NAB2: variants seen among roughly 807,000 people sequenced by gnomAD.
The protein encoded by NAB2 is NGFI-A binding protein 2.
A neutral mutation model predicts 44.2 loss-of-function variants in NAB2; 9 were observed. The observed-to-expected ratio is 0.20, with a 90% CI of 0.12 to 0.36. The LOEUF is 0.36. Among genes scored for constraint, NAB2 ranks in the 10% least tolerant of loss-of-function variants. NAB2 has a pLI of 1.00. For missense variants in NAB2, 514 were observed against 709.0 expected, an observed-to-expected ratio of 0.73 and a Z score of 3.12; for synonymous variants, 342 against 291.0, an observed-to-expected ratio of 1.18 and a Z score of -1.78.
In NAB2 at chr12:57,089,268, G is replaced by C; in HGVS notation, c.-4G>C. On this transcript the variant is annotated 5_prime_UTR_variant, in exon 1 of 7. Coordinates refer to ENST00000300131, the MANE Select transcript of NAB2 (RefSeq NM_005967.4). The stretch of plus-strand genomic sequence containing the variant: ...AGGGCAGCCCGGGTGATCTCCGGCC[G>C]TCCATGCACAGAGCGCCTTCCCCCA... The C allele has an allele frequency of 3.8e-6, 6 of 1,571,802 alleles. No homozygotes were observed. Among genetic ancestry groups the C allele is most frequent in the Non-Finnish European group, 5.2e-6 (6 of 1,158,896 alleles).
intron 5 of NAB2, 42 bp downstream of exon 5, chr12:57,093,237 G>A (rs766674951): frequency 6.5e-7 from 1 of 1,548,252 alleles, no homozygotes; most frequent in Non-Finnish European, 8.7e-7. Context: ...TTGAGGGTGG[G>A]GGAGTAGGGG....
In NAB2 at chr12:57,091,485, A is replaced by T; in HGVS notation, c.444A>T (p.Pro148=). The change falls in exon 2 of 7, where the codon CCA becomes CCT. Residue 148 remains proline (P), a synonymous_variant. Transcript: ENST00000300131. The surrounding 1 kb of genome is among the most constrained non-coding windows in gnomAD (Gnocchi z 7.3). ...GCATGAGCAATGGGCATGGCAGCCC[A>T]GGGGAAAAGGCAGGCAGTGCCCGCA... ...KGSMSNGHGS[P]GEKAGSARSF... The T allele has an allele frequency of 6.2e-7, 1 of 1,614,190 alleles. No individual in the cohort carries two copies. Among genetic ancestry groups the T allele is most frequent in the Admixed American group, 1.7e-5 (1 of 60,034 alleles).
Position 57,094,829 on chromosome 12 carries a change from C to A in NAB2, c.*108C>A. ...TCACAACCCTGGATCCTTCCTCTGC[C>A]CTTCTCCTGCCTCCCCACCTGCTCC... On this transcript the variant is annotated 3_prime_UTR_variant, in exon 7 of 7. Transcript: ENST00000300131. 1 of 851,854 alleles carries A rather than the reference C, an allele frequency of 1.2e-6. No homozygotes were observed. Among genetic ancestry groups the A allele is most frequent in the Admixed American group, 2.5e-5 (1 of 40,520 alleles). 52.8% of individuals were successfully genotyped at this position (851,854 alleles called of 1,614,324 possible).
rs749861968 is a variant in NAB2, at chr12:57,091,840, C to T, written c.799C>T (p.Leu267=). 9.3e-6 allele frequency: 15 copies of T among 1,614,058 alleles called. No homozygotes were observed. Among genetic ancestry groups the T allele is most frequent in the Non-Finnish European group, 4.2e-6 (5 of 1,180,010 alleles). The part of the protein sequence containing the change: ...PRGDAGEVTS[L]LKLNKKLARS... ...GGGGGATGCTGGGGAGGTCACATCCCTGCTAAAGCTGAATAAGAAGCTGGC... is the reference window on the plus strand; with the variant it reads ...GGGGGATGCTGGGGAGGTCACATCCTTGCTAAAGCTGAATAAGAAGCTGGC... The change falls in exon 2 of 7, where the codon CTG becomes TTG. Residue 267 remains leucine (L), a synonymous_variant. Transcript: ENST00000300131. This position sits in a 1 kb window ranked among gnomAD's most constrained non-coding sequence, Gnocchi z 7.3.
rs1592537006 is a variant in NAB2 at position 57,095,405 on chromosome 12, T to G, written c.*684T>G. The stretch of plus-strand genomic sequence containing the variant: ...ACCTATCTGAGCAGTTAGAGCGTCT[T>G]TCTTTTCAGATTGTGTACAGTAGAT... On this transcript the variant is annotated 3_prime_UTR_variant, in exon 7 of 7. Coordinates refer to ENST00000300131, the MANE Select transcript of NAB2 (RefSeq NM_005967.4). The G allele has an allele frequency of 6.5e-6, 1 of 152,762 alleles. No individual in the cohort carries two copies. Among genetic ancestry groups the G allele is most frequent in the East Asian group, 1.9e-4 (1 of 5,204 alleles). 9.5% of individuals were successfully genotyped at this position (152,762 alleles called of 1,614,324 possible). A position where few individuals can be genotyped will look rare whatever the true frequency, so the allele number is the denominator to read the frequency against.
chr12:57,089,742 C>T (rs1003991271), intron 1 of NAB2, among the ~76,000 whole-genome samples: 2 of 16,896 alleles, frequency 1.2e-4, no homozygotes, highest in Non-Finnish European at 2.4e-4. Context: ...CGCGGGCCCC[C>T]GGTGCCTTTG....
rs1292791615 is a variant in NAB2, at chr12:57,089,247, C to T, written c.-25C>T. ...GCCGAGCGCCGGGCACCGAGAAGGG[C>T]AGCCCGGGTGATCTCCGGCCGTCCA... On this transcript the variant is annotated 5_prime_UTR_variant, in exon 1 of 7. Transcript: ENST00000300131. The T allele has an allele frequency of 3.2e-6, 5 of 1,559,490 alleles. No homozygotes were observed. The highest frequency in any genetic ancestry group is 4.3e-6 in the Non-Finnish European group (5 of 1,152,080).
In NAB2 at chr12:57,089,348, G is replaced by C. The variant is rs1220334413; in HGVS notation, c.77G>C (p.Arg26Thr). ...GDSARRTLQP[R>T]LKPSARAMAL... ...AGCGCCCGCCGGACCCTGCAGCCCAGACTCAAGTTAGTGGGCAAAGGGAGG... is the reference window on the plus strand; with the variant it reads ...AGCGCCCGCCGGACCCTGCAGCCCACACTCAAGTTAGTGGGCAAAGGGAGG... Residue 26 changes from arginine (R) to threonine (T), a missense_variant, in exon 1 of 7, where the codon AGA becomes ACA. Physicochemically the swap from Arg to Thr is moderately conservative, Grantham distance 71 (BLOSUM62 -1). This residue lies in a region of NAB2 where 56 missense variants were observed against 45.5 expected (regional missense o/e 1.23). Transcript: ENST00000300131. 1.3e-6 allele frequency: 2 copies of C among 1,570,950 alleles called. No homozygotes were observed. The highest frequency in any genetic ancestry group is 8.6e-7 in the Non-Finnish European group (1 of 1,158,158).
rs369086122 is a variant in NAB2 at position 57,094,661 on chromosome 12, C to G, written c.1518C>G (p.Pro506=). ...GATGTCCTGCCCCAGGACCCCATCC[C>G]GCGCTGGTGGAGGGTCGCAGGAGCA... is the stretch of plus-strand genomic sequence containing the variant. The part of the protein sequence containing the change: ...LDRCPAPGPH[P]ALVEGRRSSV... The change falls in exon 7 of 7, where the codon CCC becomes CCG. Residue 506 remains proline, a synonymous_variant. Coordinates refer to ENST00000300131, the MANE Select transcript of NAB2 (RefSeq NM_005967.4). The G allele has an allele frequency of 1.3e-6, 2 of 1,555,992 alleles. No homozygotes were observed. Among genetic ancestry groups the G allele is most frequent in the East Asian group, 2.4e-5 (1 of 41,548 alleles).
At chr12:57,089,961 C>G (rs1247669758) in intron 1 of NAB2, among the ~76,000 whole-genome samples, 1 of 152,188 alleles carries the variant, frequency 6.6e-6, no homozygotes, top group African/African-American at 2.4e-5. Context: ...GCGGGAGCCC[C>G]TGGGCGGTTT....
intron 5 of NAB2, 94 bp from the exon 6 acceptor site, chr12:57,093,313 G>A: frequency 2.7e-6 from 4 of 1,464,336 alleles, no homozygotes; most frequent in Admixed American, 2.5e-5. Flanking sequence ...CCTGGCTGGA[G>A]GGGGGGCAGA....
At chr12:57,093,784 C>T (rs1220175210) in intron 6 of NAB2, among the ~76,000 whole-genome samples, 186 bp downstream of exon 6, 1 of 152,112 alleles carries the variant, frequency 6.6e-6, no homozygotes, top group Non-Finnish European at 1.5e-5. Flanking sequence ...GCTGCTCCCA[C>T]CATGGAAAGT....
rs2033174505 is a variant in NAB2, at chr12:57,091,061, G to A, written c.84-64G>A. On this transcript the variant is annotated intron_variant, in intron 1 of 6. Transcript: ENST00000300131. The surrounding 1 kb of genome is among the most constrained non-coding windows in gnomAD (Gnocchi z 7.3). ...CAGGAAAGAGGGAACAATTGTTAGT[G>A]TGGGTTGGTACCCAGTAGGGGGACT... is the stretch of plus-strand genomic sequence containing the variant. The A allele has an allele frequency of 7.5e-7, 1 of 1,336,306 alleles. No individual in the cohort carries two copies. The highest frequency in any genetic ancestry group is 1.5e-5 in the African/African-American group (1 of 68,276). 82.8% of individuals were successfully genotyped at this position (1,336,306 alleles called of 1,614,324 possible).
chr12:57,093,312 A>T, intron 5 of NAB2, 95 bp from the exon 6 acceptor site: 3 of 1,275,678 alleles, frequency 2.4e-6, no homozygotes, highest in Non-Finnish European at 3.1e-6. Flanking sequence ...ACCTGGCTGG[A>T]GGGGGGGCAG....
chr12:57,094,810 C>A lies in NAB2; in HGVS notation c.*89C>A. The A allele has an allele frequency of 9.1e-7, 1 of 1,100,660 alleles. No individual in the cohort carries two copies. Among genetic ancestry groups the A allele is most frequent in the Non-Finnish European group, 1.3e-6 (1 of 771,768 alleles). The allele number at this position is 1,100,660 out of a possible 1,614,324, so 68.2% of individuals were successfully genotyped here. The stretch of plus-strand genomic sequence containing the variant: ...CTCCATCCCCGGAATCTAGTCACAA[C>A]CCTGGATCCTTCCTCTGCCCTTCTC... On this transcript the variant is annotated 3_prime_UTR_variant, in exon 7 of 7. Transcript: ENST00000300131.
chr12:57,089,874 C>T (rs888586918), intron 1 of NAB2, among the ~76,000 whole-genome samples: 1 of 152,134 alleles, frequency 6.6e-6, no homozygotes, highest in African/African-American at 2.4e-5. Flanking sequence ...AGTGTGCAGC[C>T]CCTTCATCAA....
At chr12:57,090,273 C>T (rs1293678851) in intron 1 of NAB2, among the ~76,000 whole-genome samples, 10 of 152,106 alleles carry the variant, frequency 6.6e-5, no homozygotes, top group Admixed American at 6.5e-4. Context: ...ATCACGAGGT[C>T]AGGAATTCGA....
At position 57,093,719 on chromosome 12, in the gene NAB2, A is replaced by ATGGCTGG. The variant is rs2136546597; in HGVS notation, c.1468+122_1468+128dup. On this transcript the variant is annotated intron_variant, in intron 6 of 6. Transcript: ENST00000300131. ...TATAGTCGTCAGAGAGGGCAGTAGG[A>ATGGCTGG]TGGCTGGGCTCCAGCCAGCCAGGCC... The ATGGCTGG allele has an allele frequency of 3.6e-6, 4 of 1,100,292 alleles. No individual in the cohort carries two copies. The East Asian group carries it at 1.2e-4, about 32-fold the overall frequency. The allele number at this position is 1,100,292 out of a possible 1,614,324, so 68.2% of individuals were successfully genotyped here.
rs1014946445 is a variant in NAB2 at position 57,094,779 on chromosome 12, C to T, written c.*58C>T. Reference sequence around the variant, plus strand: ...CAGACTTCTGGCTCACACAGACCCCCACGCTCTCCATCCCCGGAATCTAGT... The same window carrying T: ...CAGACTTCTGGCTCACACAGACCCCTACGCTCTCCATCCCCGGAATCTAGT... On this transcript the variant is annotated 3_prime_UTR_variant, in exon 7 of 7. Transcript: ENST00000300131. 1.2e-5 allele frequency: 16 copies of T among 1,373,450 alleles called. No homozygotes were observed. In the African/African-American group the frequency reaches 2.3e-4, roughly 20 times the overall value. 85.1% of individuals were successfully genotyped at this position (1,373,450 alleles called of 1,614,324 possible). A position where few individuals can be genotyped will look rare whatever the true frequency, so the allele number is the denominator to read the frequency against.
Sources: allele counts gnomAD v4.1 joint callset (sites outside exome capture counted in the v4.1 genomes callset), GRCh38; gene constraint gnomAD v4.1.1; regional missense constraint gnomAD v4.1.1; non-coding constraint Gnocchi (gnomAD v3.1); transcripts MANE v1.5; gene names NCBI Gene and HGNC (gene_info 2026-07-23, HGNC 2026-07-21).